Variants in SCUBE1 observed in about 807,000 individuals in gnomAD.
SCUBE1 encodes the protein signal peptide, CUB and EGF-like domain-containing protein 1.
In SCUBE1, 59 loss-of-function variants were observed where a neutral mutation model predicts 124.4. The ratio of observed to expected loss-of-function variants is 0.47; its 90% CI spans 0.38 to 0.59. The LOEUF is 0.59. Ranked by LOEUF, SCUBE1 falls within the 20% of genes least tolerant of loss-of-function variation. SCUBE1 has a pLI of 0.00. For missense variants in SCUBE1, 1,150 were observed against 1,371.2 expected (o/e 0.84, Z 2.55); for synonymous variants, 545 against 550.9 (o/e 0.99, Z 0.15).
At chr22:43,317,369 A>ACTGAGG (rs1192422527) in intron 3 of SCUBE1, among the ~76,000 whole-genome samples, 13 of 152,156 alleles carry the variant, frequency 8.5e-5, no homozygotes, top group Admixed American at 7.2e-4. Context: ...ACTGGAGAAG[A>ACTGAGG]CTGAGGCTCA....
rs2146679177 is a variant in SCUBE1, at chr22:43,231,711, C to T, written c.967+42G>A. 2.6e-6 allele frequency: 4 copies of T among 1,537,076 alleles called. No individual in the cohort carries two copies. The South Asian group carries it at 3.6e-5, about 14-fold the overall frequency. On this transcript the variant is annotated intron_variant, in intron 8 of 21. Coordinates refer to ENST00000360835, the MANE Select transcript of SCUBE1 (RefSeq NM_173050.5). ...GCCCAGGAGGGGAAGGGGCACGATC[C>T]CGCTGGGCCCGAGAGCCACCCGGGG...
At chr22:43,334,878 T>C (rs1927013728) in intron 2 of SCUBE1, among the ~76,000 whole-genome samples, 1 of 152,172 alleles carries the variant, frequency 6.6e-6, no homozygotes, top group Non-Finnish European at 1.5e-5. Context: ...ATTTTATAGA[T>C]AAACAAATGG....
At chr22:43,221,755 C>T (rs1445902778) in intron 12 of SCUBE1, among the ~76,000 whole-genome samples, 6 of 152,180 alleles carry the variant, frequency 3.9e-5, no homozygotes, top group Non-Finnish European at 7.3e-5. Context: ...AGAATCAAAT[C>T]ACATATGCAT....
chr22:43,288,256 T>A (rs922332571), intron 4 of SCUBE1, among the ~76,000 whole-genome samples: 3 of 152,136 alleles, frequency 2.0e-5, no homozygotes, highest in South Asian at 2.1e-4. Context: ...ACCTGGGGCA[T>A]CTGGGTGGAG....
At chr22:43,276,819 T>G (rs1489223969) in intron 4 of SCUBE1, among the ~76,000 whole-genome samples, 2 of 152,190 alleles carry the variant, frequency 1.3e-5, no homozygotes, top group Non-Finnish European at 2.9e-5. Context: ...ACATGGTGTT[T>G]CCAGGGCCTC....
chr22:43,333,095 G>C (rs1926955110), intron 2 of SCUBE1, among the ~76,000 whole-genome samples: 2 of 152,192 alleles, frequency 1.3e-5, no homozygotes, highest in Non-Finnish European at 2.9e-5. Context: ...GGGCTAAAAT[G>C]GTGGTGTGTA....
At chr22:43,235,867 G>A (rs147890634) in intron 7 of SCUBE1, among the ~76,000 whole-genome samples, 4 of 151,822 alleles carry the variant, frequency 2.6e-5, no homozygotes, top group East Asian at 3.9e-4. Flanking sequence ...AAACGGGCAC[G>A]GTACCCAGCA....
intron 10 of SCUBE1, among the ~76,000 whole-genome samples, chr22:43,226,845 C>A (rs368325736): frequency 2.0e-5 from 3 of 152,060 alleles, no homozygotes; most frequent in African/African-American, 4.8e-5. Flanking sequence ...AGCCTAGGGG[C>A]ACCCAGTGCT....
chr22:43,340,788 A>G (rs1601906097), intron 1 of SCUBE1, among the ~76,000 whole-genome samples: 1 of 152,194 alleles, frequency 6.6e-6, no homozygotes, highest in Non-Finnish European at 1.5e-5. Flanking sequence ...AGGACCCAGG[A>G]GTGCAGCAGT....
At chr22:43,320,894 C>A (rs550607312) in intron 2 of SCUBE1, among the ~76,000 whole-genome samples, 5 of 152,342 alleles carry the variant, frequency 3.3e-5, no homozygotes, top group South Asian at 4.1e-4. Flanking sequence ...GGGGCCTAAC[C>A]CCGGTCACAC....
intron 2 of SCUBE1, among the ~76,000 whole-genome samples, chr22:43,337,528 G>A (rs1026934750): frequency 1.3e-5 from 2 of 152,192 alleles, no homozygotes; most frequent in East Asian, 1.9e-4. Context: ...CGGGCCAGCC[G>A]CCCCACCAGG....
In SCUBE1 at chr22:43,281,504, C is replaced by T. The variant is rs1430723746; in HGVS notation, c.484+9542G>A. ...TCCCTCTTTGGCCACCCTCCTGTCA[C>T]CTCCTCCTCAGCCACCCTCCTGTCA... is the stretch of plus-strand genomic sequence containing the variant. On this transcript the variant is annotated intron_variant, in intron 4 of 21. Transcript: ENST00000360835. 7.3e-3 allele frequency among the ~76,000 whole-genome samples: 605 copies of T among 82,752 alleles called. 52 individuals carry two copies. Among genetic ancestry groups the T allele is most frequent in the East Asian group, 0.043 (38 of 884 alleles). 54.3% of individuals were successfully genotyped at this position (82,752 alleles called of 152,430 possible). A position where few individuals can be genotyped will look rare whatever the true frequency, so the allele number is the denominator to read the frequency against.
chr22:43,220,251 C>T (rs1922032740), intron 14 of SCUBE1, among the ~76,000 whole-genome samples, 199 bp downstream of exon 14: 1 of 152,188 alleles, frequency 6.6e-6, no homozygotes, highest in South Asian at 2.1e-4. Flanking sequence ...CCTCTTCTAT[C>T]CTGGGCTGCA....
chr22:43,323,381 C>A (rs1926620758), intron 2 of SCUBE1, among the ~76,000 whole-genome samples: 1 of 152,144 alleles, frequency 6.6e-6, no homozygotes, highest in South Asian at 2.1e-4. Flanking sequence ...CTCAACCATT[C>A]TTCCATTTAT....
chr22:43,211,011 T>A lies in SCUBE1; in HGVS notation c.2294A>T (p.Gln765Leu). Reference protein sequence around the residue: ...RCIRCPVGTYQPEFGQNHCIT... With the variant: ...RCIRCPVGTYLPEFGQNHCIT... Reference sequence around the variant, plus strand: ...GCAGTGGTTCTGGCCAAACTCGGGCTGGTAGGTGCCGACGGGGCAGCGGAT... The same window carrying A: ...GCAGTGGTTCTGGCCAAACTCGGGCAGGTAGGTGCCGACGGGGCAGCGGAT... The change falls in exon 18 of 22, where the codon CAG becomes CTG. Residue 765 changes from glutamine to leucine, a missense_variant. Physicochemically the swap from Gln to Leu is moderately radical, Grantham distance 113. Coordinates refer to ENST00000360835, the MANE Select transcript of SCUBE1 (RefSeq NM_173050.5). This position sits in a 1 kb window ranked among gnomAD's most constrained non-coding sequence, Gnocchi z 4.5. 1 of 1,614,116 alleles carries A rather than the reference T, an allele frequency of 6.2e-7. No homozygotes were observed. Among genetic ancestry groups the A allele is most frequent in the South Asian group, 1.1e-5 (1 of 91,088 alleles).
chr22:43,205,328 A>C (rs1921179089), intron 21 of SCUBE1, among the ~76,000 whole-genome samples: 2 of 152,126 alleles, frequency 1.3e-5, no homozygotes, highest in African/African-American at 4.8e-5. Flanking sequence ...TCTGAGCCCC[A>C]GTGTCTCGTC....
rs1051091877 is a variant in SCUBE1 at position 43,211,577 on chromosome 22, T to C, written c.2222-494A>G. ...CGTCACCCAGGCTGGAGTGCAATGG[T>C]GCCATCTCGGCTCACTGCAACCTCC... On this transcript the variant is annotated intron_variant, in intron 17 of 21. Transcript: ENST00000360835. This position sits in a 1 kb window ranked among gnomAD's most constrained non-coding sequence, Gnocchi z 4.5. Among the ~76,000 whole-genome samples the C allele has an allele frequency of 1.3e-5, 2 of 150,266 alleles. No individual in the cohort carries two copies. The highest frequency in any genetic ancestry group is 4.9e-5 in the African/African-American group (2 of 40,688).
At chr22:43,301,901 A>C (rs777050697) in intron 3 of SCUBE1, among the ~76,000 whole-genome samples, 1 of 152,218 alleles carries the variant, frequency 6.6e-6, no homozygotes, top group Non-Finnish European at 1.5e-5. Flanking sequence ...AGGCCGTCCC[A>C]CCAAGGATGA....
chr22:43,340,338 T>C (rs1241534561), intron 1 of SCUBE1, among the ~76,000 whole-genome samples: 1 of 152,104 alleles, frequency 6.6e-6, no homozygotes, highest in Non-Finnish European at 1.5e-5. Flanking sequence ...AGTCTAGGCT[T>C]TGAGGGCTCC....
Sources: allele counts gnomAD v4.1 joint callset (sites outside exome capture counted in the v4.1 genomes callset), GRCh38; gene constraint gnomAD v4.1.1; non-coding constraint Gnocchi (gnomAD v3.1); transcripts MANE v1.5; gene names NCBI Gene and HGNC (gene_info 2026-07-23, HGNC 2026-07-21).